GPR183: variants seen among roughly 807,000 people sequenced by gnomAD.
GPR183 encodes the protein EBV-induced G-protein coupled receptor 2.
A neutral mutation model predicts 19.7 loss-of-function variants in GPR183; 9 were observed. That is an observed-to-expected ratio of 0.46 (90% confidence interval 0.28 to 0.80). The LOEUF is 0.80. GPR183 is among the 30% of genes least tolerant of loss of function. GPR183 has a pLI of 0.13. For missense variants in GPR183, 368 were observed against 446.7 expected (o/e 0.82, Z 1.59); for synonymous variants, 160 against 155.1 (o/e 1.03, Z -0.24).
chr13:99,295,446 C>T lies in GPR183; in HGVS notation c.700G>A (p.Glu234Lys). Residue 234 changes from glutamate (E) to lysine (K), a missense_variant, in exon 2 of 2, where the codon GAG becomes AAG. By Grantham distance (56) the Glu-to-Lys change is moderately conservative (BLOSUM62 1). Coordinates refer to ENST00000376414, the MANE Select transcript of GPR183 (RefSeq NM_004951.5). This position sits in a 1 kb window ranked among gnomAD's most constrained non-coding sequence, Gnocchi z 4.1. ...GCCTTTTTGTTTACACCAGATTTCT[C>T]AGTGAGTGGGTTTTGTTTGGCAGTT... ...FRTAKQNPLT[E>K]KSGVNKKALN... 1 of 1,614,018 alleles carries T rather than the reference C, an allele frequency of 6.2e-7. No homozygotes were observed. Among genetic ancestry groups the T allele is most frequent in the Non-Finnish European group, 8.5e-7 (1 of 1,180,016 alleles).
chr13:99,302,510 C>T (rs1207902842), intron 1 of GPR183, among the ~76,000 whole-genome samples: 2 of 152,194 alleles, frequency 1.3e-5, no homozygotes, highest in Non-Finnish European at 2.9e-5. Flanking sequence ...AAGTATTTGT[C>T]AATTATTTGA....
intron 1 of GPR183, among the ~76,000 whole-genome samples, chr13:99,305,008 A>G (rs1411920210): frequency 1.3e-5 from 2 of 152,180 alleles, no homozygotes; most frequent in Non-Finnish European, 2.9e-5. Context: ...CAAATGAAGG[A>G]GTTTATTAGT....
intron 1 of GPR183, among the ~76,000 whole-genome samples, chr13:99,299,583 T>G (rs970045507): frequency 6.6e-6 from 1 of 152,222 alleles, no homozygotes; most frequent in Non-Finnish European, 1.5e-5. Flanking sequence ...AATGTTCATT[T>G]CTAGTCAGTG....
At chr13:99,299,662 A>C (rs1296135783) in intron 1 of GPR183, among the ~76,000 whole-genome samples, 1 of 152,090 alleles carries the variant, frequency 6.6e-6, no homozygotes, top group Non-Finnish European at 1.5e-5. Flanking sequence ...TTCTTGTAAA[A>C]ACCTTGTTAT....
chr13:99,299,677 C>T (rs1161569862), intron 1 of GPR183, among the ~76,000 whole-genome samples: 1 of 152,092 alleles, frequency 6.6e-6, no homozygotes, highest in African/African-American at 2.4e-5. Flanking sequence ...TGTTATCTGA[C>T]ATGCTTTTCA....
At chr13:99,296,216 G>T in intron 1 of GPR183, 53 bp from the exon 2 acceptor site, 1 of 1,414,514 alleles carries the variant, frequency 7.1e-7, no homozygotes, top group South Asian at 1.5e-5. Flanking sequence ...TATTCAGTTT[G>T]ATTACTCATT....
At position 99,295,794 on chromosome 13, in the gene GPR183, C is replaced by T; in HGVS notation, c.352G>A (p.Gly118Ser). The T allele has an allele frequency of 6.2e-7, 1 of 1,613,198 alleles. No homozygotes were observed. Among genetic ancestry groups the T allele is most frequent in the Non-Finnish European group, 8.5e-7 (1 of 1,179,310 alleles). The change falls in exon 2 of 2, where the codon GGT (glycine) becomes AGT (serine). Residue 118 changes from glycine (G) to serine (S), a missense_variant. Physicochemically the swap from Gly to Ser is moderately conservative, Grantham distance 56. Transcript: ENST00000376414. This position sits in a 1 kb window ranked among gnomAD's most constrained non-coding sequence, Gnocchi z 4.1. Reference protein sequence around the residue: ...ALVFYINTYAGVNFMTCLSID... With the variant: ...ALVFYINTYASVNFMTCLSID... ...CTCAGGCAGGTCATAAAGTTCACACCTGCATATGTGTTGATGTAAAACACT... is the reference window on the plus strand; with the variant it reads ...CTCAGGCAGGTCATAAAGTTCACACTTGCATATGTGTTGATGTAAAACACT...
At chr13:99,303,270 T>A (rs2044282754) in intron 1 of GPR183, among the ~76,000 whole-genome samples, 1 of 152,264 alleles carries the variant, frequency 6.6e-6, no homozygotes, top group African/African-American at 2.4e-5. Context: ...TTGTGCTTTA[T>A]ATGTGTCCTG....
intron 1 of GPR183, among the ~76,000 whole-genome samples, chr13:99,306,238 G>A (rs562795324): frequency 2.0e-5 from 3 of 152,250 alleles, no homozygotes; most frequent in South Asian, 2.1e-4. Context: ...CATATCTGTT[G>A]GATTCACCCT....
chr13:99,295,724 T>G lies in GPR183; in HGVS notation c.422A>C (p.Lys141Thr). 1.2e-6 allele frequency: 2 copies of G among 1,614,132 alleles called. No individual in the cohort carries two copies. The highest frequency in any genetic ancestry group is 1.7e-6 in the Non-Finnish European group (2 of 1,179,976). ...TTTTGCATGTTCAATCCTTTTTATCTTGTTGTAGCGTAGAGGGTGCACCAC... is the reference window on the plus strand; with the variant it reads ...TTTTGCATGTTCAATCCTTTTTATCGTGTTGTAGCGTAGAGGGTGCACCAC... ...IAVVHPLRYN[K>T]IKRIEHAKGV... Residue 141 changes from lysine to threonine, a missense_variant, in exon 2 of 2, where the codon AAG becomes ACG. Transcript: ENST00000376414. The surrounding 1 kb of genome is among the most constrained non-coding windows in gnomAD (Gnocchi z 4.1).
intron 1 of GPR183, among the ~76,000 whole-genome samples, chr13:99,297,024 A>C (rs1161667708): frequency 6.6e-6 from 1 of 152,194 alleles, no homozygotes; most frequent in Non-Finnish European, 1.5e-5. Flanking sequence ...TTTGTCGTGT[A>C]TATTTTATAT....
Position 99,294,975 on chromosome 13 carries a change from C to T in GPR183, c.*85G>A. On this transcript the variant is annotated 3_prime_UTR_variant, in exon 2 of 2. Transcript: ENST00000376414. ...AATATAAAAGAATACTAATTGGAAG[C>T]TGAACAATTATTTTGCTTTATAAGG... 1 of 1,434,638 alleles carries T rather than the reference C, an allele frequency of 7.0e-7. No individual in the cohort carries two copies. The highest frequency in any genetic ancestry group is 9.4e-7 in the Non-Finnish European group (1 of 1,062,062). The allele number at this position is 1,434,638 out of a possible 1,614,324, so 88.9% of individuals were successfully genotyped here. A position where few individuals can be genotyped will look rare whatever the true frequency, so the allele number is the denominator to read the frequency against.
Position 99,294,905 on chromosome 13 carries a change from T to A in GPR183, c.*155A>T, listed in dbSNP as rs2044144581. 1 of 709,496 alleles carries A rather than the reference T, an allele frequency of 1.4e-6. No individual in the cohort carries two copies. 44.0% of individuals were successfully genotyped at this position (709,496 alleles called of 1,614,324 possible). A position where few individuals can be genotyped will look rare whatever the true frequency, so the allele number is the denominator to read the frequency against. ...TGTTGTTTGCTTTATGTTGTTCTCT[T>A]GGGCTTACTTCCGAGTTGGAGATGG... On this transcript the variant is annotated 3_prime_UTR_variant, in exon 2 of 2. Coordinates refer to ENST00000376414, the MANE Select transcript of GPR183 (RefSeq NM_004951.5).
chr13:99,304,642 C>G (rs557885215), intron 1 of GPR183, among the ~76,000 whole-genome samples: 1 of 152,306 alleles, frequency 6.6e-6, no homozygotes, highest in African/African-American at 2.4e-5. Flanking sequence ...TAAGCAGAGA[C>G]TGTGTTCCAG....
At chr13:99,298,439 T>G (rs1444549283) in intron 1 of GPR183, among the ~76,000 whole-genome samples, 5 of 152,158 alleles carry the variant, frequency 3.3e-5, no homozygotes, top group Admixed American at 2.6e-4. Context: ...TTCGAAATGC[T>G]TAGAACTAAA....
intron 1 of GPR183, among the ~76,000 whole-genome samples, chr13:99,302,537 A>T (rs2138734961): frequency 1.3e-5 from 2 of 152,342 alleles, no homozygotes; most frequent in South Asian, 4.1e-4. Context: ...CTTCTTGTTC[A>T]AACAGGGGCA....
intron 1 of GPR183, among the ~76,000 whole-genome samples, chr13:99,300,728 T>C (rs2044245916): frequency 1.3e-5 from 2 of 152,196 alleles, no homozygotes; most frequent in South Asian, 4.1e-4. Flanking sequence ...GGTGAATATA[T>C]AGCGTTGAAC....
intron 1 of GPR183, among the ~76,000 whole-genome samples, chr13:99,304,845 A>G (rs1310131105): frequency 1.3e-5 from 2 of 152,166 alleles, no homozygotes; most frequent in African/African-American, 2.4e-5. Flanking sequence ...TTTATCTCCT[A>G]TTTCCGACGT....
At chr13:99,303,265 C>A (rs1434334201) in intron 1 of GPR183, among the ~76,000 whole-genome samples, 18 of 152,230 alleles carry the variant, frequency 1.2e-4, no homozygotes, top group Non-Finnish European at 8.8e-5. Flanking sequence ...CCTCTTTGTG[C>A]TTTATATGTG....
Sources: gnomAD v4.1 joint callset for allele counts (sites outside exome capture counted in the v4.1 genomes callset) on GRCh38, gnomAD v4.1.1 for gene constraint, Gnocchi (gnomAD v3.1) non-coding constraint, MANE v1.5 for transcripts, NCBI Gene and HGNC (gene_info 2026-07-23, HGNC 2026-07-21) for gene names.